The following DNAJC24 variants were observed in gnomAD, a reference collection of about 807,000 sequenced individuals.
DNAJC24 encodes DnaJ heat shock protein family (Hsp40) member C24.
DNAJC24 carries 17 observed loss-of-function variants against 18.0 expected under a neutral mutation model. That is an observed-to-expected ratio of 0.94 (90% confidence interval 0.65 to 1.42). The LOEUF is 1.42. Among genes scored for constraint, DNAJC24 ranks in the 40% most tolerant of loss-of-function variants. The probability of loss-of-function intolerance (pLI) is 0.00; values close to 1 mark genes in which losing one functional copy is unlikely to be tolerated. For missense variants in DNAJC24, 158 were observed against 175.6 expected (o/e 0.90, Z 0.57); for synonymous variants, 55 against 57.7 (o/e 0.95, Z 0.21).
chr11:31,404,828 A>G (rs1952638683), intron 2 of DNAJC24, among the ~76,000 whole-genome samples: 1 of 151,944 alleles, frequency 6.6e-6, no homozygotes, highest in Admixed American at 6.6e-5. Flanking sequence ...ATGGAAATTC[A>G]ACAGTGGTCA....
At chr11:31,395,166 G>A (rs1053315316) in intron 2 of DNAJC24, among the ~76,000 whole-genome samples, 2 of 152,172 alleles carry the variant, frequency 1.3e-5, no homozygotes, top group Non-Finnish European at 2.9e-5. Flanking sequence ...GTGCACTTAG[G>A]AGAGTGACCT....
chr11:31,402,414 A>G (rs933169156), intron 2 of DNAJC24, among the ~76,000 whole-genome samples: 13 of 152,338 alleles, frequency 8.5e-5, no homozygotes, highest in African/African-American at 2.6e-4. Flanking sequence ...TGTAGACTTT[A>G]TAAACATTGT....
At position 31,380,230 on chromosome 11, in the gene DNAJC24, T is replaced by C. The variant is rs369599683; in HGVS notation, c.111+9371T>C. Among the ~76,000 whole-genome samples the C allele has an allele frequency of 1.8e-4, 27 of 152,284 alleles. 1 individual carries two copies. In the East Asian group the frequency reaches 4.6e-3, roughly 26 times the overall value. ...TGAAAGAATCTAGCTAAAAGAATCA[T>C]AGAATGTCAAAAACTAAAGAAAGAG... On this transcript the variant is annotated intron_variant, in intron 2 of 4. Coordinates refer to ENST00000465995, the MANE Select transcript of DNAJC24 (RefSeq NM_181706.5).
At chr11:31,386,752 T>A (rs1321556251) in intron 2 of DNAJC24, among the ~76,000 whole-genome samples, 2 of 152,182 alleles carry the variant, frequency 1.3e-5, no homozygotes, top group East Asian at 3.9e-4. Context: ...GTACCTTGGA[T>A]ACCAGCTTCG....
chr11:31,412,048 C>A (rs535030706), intron 2 of DNAJC24, among the ~76,000 whole-genome samples: 1 of 152,052 alleles, frequency 6.6e-6, no homozygotes, highest in Non-Finnish European at 1.5e-5. Context: ...CCTCAGATGG[C>A]GAGCACCTTA....
chr11:31,405,228 C>T (rs1308555716), intron 2 of DNAJC24, among the ~76,000 whole-genome samples: 1 of 151,820 alleles, frequency 6.6e-6, no homozygotes, highest in Non-Finnish European at 1.5e-5. Flanking sequence ...TGCCACCACA[C>T]CCAGCTAATT....
chr11:31,402,540 G>A (rs1237302085), intron 2 of DNAJC24, among the ~76,000 whole-genome samples: 1 of 152,140 alleles, frequency 6.6e-6, no homozygotes, highest in Non-Finnish European at 1.5e-5. Context: ...ACAGGGTCTT[G>A]CTCTGTCACC....
intron 2 of DNAJC24, among the ~76,000 whole-genome samples, chr11:31,387,142 T>C (rs746230218): frequency 6.6e-5 from 10 of 152,094 alleles, no homozygotes; most frequent in Non-Finnish European, 1.3e-4. Context: ...CCAGATAGCA[T>C]CTCTGGGTTT....
chr11:31,382,559 G>T (rs1174679486), intron 2 of DNAJC24, among the ~76,000 whole-genome samples: 2 of 152,068 alleles, frequency 1.3e-5, no homozygotes, highest in Non-Finnish European at 2.9e-5. Context: ...TTATATTTTG[G>T]ATGTGTGGTT....
At chr11:31,385,668 T>C (rs1952421908) in intron 2 of DNAJC24, among the ~76,000 whole-genome samples, 1 of 152,196 alleles carries the variant, frequency 6.6e-6, no homozygotes, top group Non-Finnish European at 1.5e-5. Flanking sequence ...TCTTGAGTGT[T>C]CTTTTTTTCC....
chr11:31,370,786 A>G lies in DNAJC24; in HGVS notation c.38A>G (p.Tyr13Cys). The change falls in exon 2 of 5, where the codon TAC becomes TGC. Residue 13 changes from tyrosine to cysteine, a missense_variant. Coordinates refer to ENST00000465995, the MANE Select transcript of DNAJC24 (RefSeq NM_181706.5). ...GAGCAGATGCCAAAAAAGGATTGGT[A>G]CAGCATCCTGGGAGCAGACCCATCT... is the stretch of plus-strand genomic sequence containing the variant. ...AVEQMPKKDW[Y>C]SILGADPSAN... The G allele has an allele frequency of 6.2e-7, 1 of 1,613,350 alleles. No individual in the cohort carries two copies. Among genetic ancestry groups the G allele is most frequent in the South Asian group, 1.1e-5 (1 of 90,772 alleles).
At chr11:31,404,967 T>A (rs1952640727) in intron 2 of DNAJC24, among the ~76,000 whole-genome samples, 1 of 152,074 alleles carries the variant, frequency 6.6e-6, no homozygotes, top group African/African-American at 2.4e-5. Flanking sequence ...GTTATGACAC[T>A]TATTCCCTTT....
chr11:31,383,355 C>T (rs1160727262), intron 2 of DNAJC24, among the ~76,000 whole-genome samples: 6 of 152,064 alleles, frequency 3.9e-5, no homozygotes, highest in Admixed American at 1.3e-4. Context: ...ACTAGTCATT[C>T]CATTAGCATA....
intron 2 of DNAJC24, among the ~76,000 whole-genome samples, chr11:31,379,844 A>G (rs539494900): frequency 3.3e-5 from 5 of 151,712 alleles, no homozygotes; most frequent in African/African-American, 1.2e-4. Context: ...TGCAACCTCC[A>G]CTTCCCAGGT....
chr11:31,421,903 T>C, intron 3 of DNAJC24: 1 of 418,356 alleles, frequency 2.4e-6, no homozygotes, highest in Non-Finnish European at 4.7e-6. Context: ...CTGCTAATAG[T>C]TATTTAATGT....
chr11:31,426,874 A>G (rs1287282142), intron 4 of DNAJC24: 1 of 147,820 alleles, frequency 6.8e-6, no homozygotes, highest in Non-Finnish European at 1.5e-5. Flanking sequence ...AATATCTGCC[A>G]TTTCCCTTGA....
At chr11:31,414,731 C>T (rs1952737900) in intron 2 of DNAJC24, 80 bp from the exon 3 acceptor site, 2 of 1,423,940 alleles carry the variant, frequency 1.4e-6, no homozygotes, top group Middle Eastern at 1.8e-4. Flanking sequence ...TTAACTAAAG[C>T]TCAGATTTAC....
At chr11:31,393,240 G>A (rs1952515730) in intron 2 of DNAJC24, among the ~76,000 whole-genome samples, 1 of 152,058 alleles carries the variant, frequency 6.6e-6, no homozygotes, top group Non-Finnish European at 1.5e-5. Flanking sequence ...TTTGGGCAGG[G>A]GATTCTTGTG....
At chr11:31,385,231 G>A (rs993653355) in intron 2 of DNAJC24, 3 of 152,100 alleles carry the variant, frequency 2.0e-5, no homozygotes, top group South Asian at 2.1e-4. Flanking sequence ...ATAAAAAAGG[G>A]CCAAAAAACT....
Sources: allele counts gnomAD v4.1 joint callset (sites outside exome capture counted in the v4.1 genomes callset), GRCh38; gene constraint gnomAD v4.1.1; transcripts MANE v1.5; gene names NCBI Gene and HGNC (gene_info 2026-07-23, HGNC 2026-07-21).